Variants in PDE4D observed in about 807,000 individuals in gnomAD.
The protein encoded by PDE4D is 3',5'-cyclic-AMP phosphodiesterase 4D.
In PDE4D, 24 loss-of-function variants were observed where a neutral mutation model predicts 87.4. The observed-to-expected ratio is 0.27, with a 90% CI of 0.20 to 0.39. The LOEUF is 0.39. Ranked by LOEUF, PDE4D falls within the 10% of genes least tolerant of loss-of-function variation. The pLI is 1.00. For synonymous variants in PDE4D, 384 were observed against 383.2 expected, an observed-to-expected ratio of 1.00 and a Z score of -0.02; for missense variants, 714 against 1,041.0, an observed-to-expected ratio of 0.69 and a Z score of 4.32.
chr5:59,377,698 C>T (rs1216370276), intron 1 of PDE4D, among the ~76,000 whole-genome samples: 1 of 152,114 alleles, frequency 6.6e-6, no homozygotes, highest in Non-Finnish European at 1.5e-5. Context: ...GACATACATG[C>T]AGCCAACAAT....
At chr5:60,432,344 T>A (rs1000064471) in intron 1 of PDE4D, among the ~76,000 whole-genome samples, 12 of 152,310 alleles carry the variant, frequency 7.9e-5, no homozygotes, top group Admixed American at 5.9e-4. Context: ...AGCTCTACTT[T>A]ATATGTCTGG....
At chr5:60,113,973 G>A (rs1777914531) in intron 2 of PDE4D, among the ~76,000 whole-genome samples, 2 of 152,056 alleles carry the variant, frequency 1.3e-5, no homozygotes, top group Non-Finnish European at 2.9e-5. Flanking sequence ...GCAACATGGT[G>A]GCAATATTTA....
At chr5:59,364,536 T>C (rs1013329378) in intron 1 of PDE4D, among the ~76,000 whole-genome samples, 4 of 152,188 alleles carry the variant, frequency 2.6e-5, no homozygotes, top group African/African-American at 9.7e-5. Flanking sequence ...ATATATGCTA[T>C]AGGTGAGTCT....
chr5:59,269,714 G>C (rs1220150980), intron 1 of PDE4D, among the ~76,000 whole-genome samples: 1 of 151,714 alleles, frequency 6.6e-6, no homozygotes, highest in African/African-American at 2.4e-5. Context: ...CTGTTTTATT[G>C]TTTTATGTGT....
intron 1 of PDE4D, chr5:59,217,405 T>G (rs1274947370): frequency 2.5e-6 from 1 of 392,732 alleles, no homozygotes; most frequent in Non-Finnish European, 5.0e-6. Context: ...AATAGAGTTA[T>G]GACTCTAAGA....
At chr5:60,157,652 C>A (rs1398406700) in intron 2 of PDE4D, among the ~76,000 whole-genome samples, 1 of 152,094 alleles carries the variant, frequency 6.6e-6, no homozygotes, top group Non-Finnish European at 1.5e-5. Context: ...AAAAAGATAG[C>A]CAACATTAAC....
At chr5:59,816,472 G>A (rs1403375657) in intron 1 of PDE4D, among the ~76,000 whole-genome samples, 1 of 152,140 alleles carries the variant, frequency 6.6e-6, no homozygotes, top group Non-Finnish European at 1.5e-5. Flanking sequence ...TGCCCTCATG[G>A]TACTTGTATC....
chr5:60,211,757 C>G (rs1044520601), intron 1 of PDE4D, among the ~76,000 whole-genome samples: 16 of 152,088 alleles, frequency 1.1e-4, no homozygotes, highest in Non-Finnish European at 1.6e-4. Context: ...CTTCCCTACC[C>G]CTACCCTCAT....
At chr5:60,175,999 G>A (rs2149490463) in intron 2 of PDE4D, among the ~76,000 whole-genome samples, 1 of 152,080 alleles carries the variant, frequency 6.6e-6, no homozygotes, top group Non-Finnish European at 1.5e-5. Flanking sequence ...TATTCTCTTT[G>A]CCAATTAACT....
At chr5:59,484,071 G>A (rs963154052) in intron 1 of PDE4D, among the ~76,000 whole-genome samples, 8 of 152,158 alleles carry the variant, frequency 5.3e-5, no homozygotes, top group Admixed American at 4.6e-4. Flanking sequence ...CCCCACCTGG[G>A]CAGGGCTGAC....
At chr5:59,126,954 G>A (rs535973170) in intron 5 of PDE4D, among the ~76,000 whole-genome samples, 18 of 152,106 alleles carry the variant, frequency 1.2e-4, no homozygotes, top group African/African-American at 3.9e-4. Flanking sequence ...GAAAGGATTC[G>A]ATCAATTGTG....
chr5:59,440,924 G>A (rs1024181471), intron 1 of PDE4D, among the ~76,000 whole-genome samples: 11 of 152,238 alleles, frequency 7.2e-5, no homozygotes, highest in African/African-American at 2.6e-4. Flanking sequence ...TTCATGGTAT[G>A]CTTATCTTTG....
At chr5:60,276,437 T>C (rs1751372465) in intron 1 of PDE4D, among the ~76,000 whole-genome samples, 1 of 152,200 alleles carries the variant, frequency 6.6e-6, no homozygotes, top group African/African-American at 2.4e-5. Flanking sequence ...ATGTATATAG[T>C]GAACTGTAAC....
At chr5:59,263,420 A>G (rs1422180646) in intron 1 of PDE4D, among the ~76,000 whole-genome samples, 2 of 151,952 alleles carry the variant, frequency 1.3e-5, no homozygotes, top group African/African-American at 4.8e-5. Context: ...CTAATTGGGG[A>G]AGTCTAGGAA....
chr5:59,690,166 C>T (rs1201779862), intron 1 of PDE4D, among the ~76,000 whole-genome samples: 4 of 152,102 alleles, frequency 2.6e-5, no homozygotes, highest in Non-Finnish European at 4.4e-5. Context: ...AGATTCAGTG[C>T]CATCCCCATC....
chr5:59,879,978 A>C (rs1204751739), intron 1 of PDE4D, among the ~76,000 whole-genome samples: 1 of 152,052 alleles, frequency 6.6e-6, no homozygotes, highest in Admixed American at 6.5e-5. Context: ...TAACCTTGTG[A>C]TCCACCAGCT....
At chr5:60,495,229 C>A (rs1749748703) in intron 1 of PDE4D, among the ~76,000 whole-genome samples, 1 of 152,166 alleles carries the variant, frequency 6.6e-6, no homozygotes, top group African/African-American at 2.4e-5. Flanking sequence ...GGTATTTTGT[C>A]TAACTTTTGT....
chr5:59,991,837 T>C (rs1411166127), intron 2 of PDE4D, among the ~76,000 whole-genome samples: 1 of 152,188 alleles, frequency 6.6e-6, no homozygotes, highest in South Asian at 2.1e-4. Flanking sequence ...TAATGACTTA[T>C]GTGTTGTGAT....
chr5:59,052,257 CTTCA>C (rs1761669091), intron 5 of PDE4D, among the ~76,000 whole-genome samples: 1 of 152,130 alleles, frequency 6.6e-6, no homozygotes, highest in Non-Finnish European at 1.5e-5. Flanking sequence ...GGATGTAGGT[CTTCA>C]AGGAAGACTG....
Sources: allele counts gnomAD v4.1 joint callset (sites outside exome capture counted in the v4.1 genomes callset), GRCh38; gene constraint gnomAD v4.1.1; transcripts MANE v1.5; gene names NCBI Gene and HGNC (gene_info 2026-07-23, HGNC 2026-07-21).